The following CHEK1 variants were observed in gnomAD, a reference collection of about 807,000 sequenced individuals.
CHEK1 encodes the protein serine/threonine-protein kinase Chk1.
CHEK1 carries 32 observed loss-of-function variants against 60.2 expected under a neutral mutation model. The observed-to-expected ratio is 0.53, with a 90% CI of 0.40 to 0.71. CHEK1 has a LOEUF of 0.71. Ranked by LOEUF, CHEK1 falls within the 30% of genes least tolerant of loss-of-function variation. The probability of loss-of-function intolerance (pLI) is 0.00; values close to 1 mark genes in which losing one functional copy is unlikely to be tolerated. For missense variants in CHEK1, 399 were observed against 564.6 expected (o/e 0.71, Z 2.97); for synonymous variants, 179 against 187.2 (o/e 0.96, Z 0.36).
At chr11:125,680,852 G>A (rs564264519), downstream of CHEK1, 279 of 1,305,790 alleles carry the variant, frequency 2.1e-4, no homozygotes, top group Non-Finnish European at 3.0e-4. Context: ...CAAACTGCGA[G>A]CAAAAGCTTC....
chr11:125,650,858 A>G (rs762006350), intron 11 of CHEK1, among the ~76,000 whole-genome samples: 2 of 152,238 alleles, frequency 1.3e-5, no homozygotes, highest in Non-Finnish European at 2.9e-5. Context: ...CTGTATACCA[A>G]AAACAAAAAA....
chr11:125,633,099 C>A, intron 5 of CHEK1, 64 bp from the exon 6 acceptor site: 2 of 1,417,030 alleles, frequency 1.4e-6, no homozygotes, highest in Non-Finnish European at 1.9e-6. Context: ...AAACTTAATT[C>A]CTGTAAGTAT....
At chr11:125,648,249 GTTTT>G (rs777358930) in intron 11 of CHEK1, among the ~76,000 whole-genome samples, 2 of 151,776 alleles carry the variant, frequency 1.3e-5, no homozygotes, top group Non-Finnish European at 2.9e-5. Flanking sequence ...AACTCCAGTA[GTTTT>G]TTTGACAAAT....
Position 125,653,915 on chromosome 11 carries a change from T to A in CHEK1, c.1335+68T>A. On this transcript the variant is annotated intron_variant, in intron 12 of 12. Coordinates refer to ENST00000438015, the MANE Select transcript of CHEK1 (RefSeq NM_001114122.3). This position sits in a 1 kb window ranked among gnomAD's most constrained non-coding sequence, Gnocchi z 4.3. The stretch of plus-strand genomic sequence containing the variant: ...TATATGAATTTTTTTAATGGCATTA[T>A]GTTTGTATATATGTGGCATTTGTAA... The A allele has an allele frequency of 1.1e-6, 1 of 884,274 alleles. No homozygotes were observed. Among genetic ancestry groups the A allele is most frequent in the Non-Finnish European group, 1.7e-6 (1 of 571,914 alleles). 54.8% of individuals were successfully genotyped at this position (884,274 alleles called of 1,614,324 possible). A position where few individuals can be genotyped will look rare whatever the true frequency, so the allele number is the denominator to read the frequency against.
chr11:125,637,481 T>C lies in CHEK1; in HGVS notation c.751T>C (p.Ser251Pro), dbSNP rs201395400. The change falls in exon 8 of 13, where the codon TCA becomes CCA. Residue 251 changes from serine (S) to proline (P), a missense_variant. Physicochemically the swap from Ser to Pro is moderately conservative, Grantham distance 74 (BLOSUM62 -1). Transcript: ENST00000438015. ...LLHKILVENP[S>P]ARITIPDIKK... is the part of the protein sequence containing the mutation. Reference sequence around the variant, plus strand: ...GCATAAAATCTTAGTTGAGAATCCATCAGCAAGAATTACCATTCCAGACAT... The same window carrying C: ...GCATAAAATCTTAGTTGAGAATCCACCAGCAAGAATTACCATTCCAGACAT... 1 of 1,608,742 alleles carries C rather than the reference T, an allele frequency of 6.2e-7. No homozygotes were observed. Among genetic ancestry groups the C allele is most frequent in the East Asian group, 2.2e-5 (1 of 44,490 alleles).
chr11:125,641,137 C>T (rs1273228091), intron 8 of CHEK1, among the ~76,000 whole-genome samples: 1 of 152,200 alleles, frequency 6.6e-6, no homozygotes, highest in Admixed American at 6.5e-5. Flanking sequence ...CAGGCATCCA[C>T]TTGAACATAT....
intron 13 of CHEK1, among the ~76,000 whole-genome samples, chr11:125,670,111 T>C (rs1355519193): frequency 6.6e-6 from 1 of 152,274 alleles, no homozygotes. Flanking sequence ...GTCTCCAATA[T>C]GCTATTAAAC....
intron 5 of CHEK1, 89 bp downstream of exon 5, chr11:125,629,549 C>A: frequency 1.0e-6 from 1 of 973,776 alleles, no homozygotes; most frequent in African/African-American, 1.7e-5. Context: ...TATAGCCATA[C>A]AAGGCAAAAT....
intron 6 of CHEK1, 92 bp downstream of exon 6, chr11:125,633,443 A>G (rs1359256026): frequency 2.6e-6 from 3 of 1,163,900 alleles, no homozygotes; most frequent in African/African-American, 3.3e-5. Context: ...TCATGTTTAT[A>G]TAATAGTTTT....
chr11:125,637,604 G>A (rs1941125652), intron 8 of CHEK1, 60 bp downstream of exon 8: 1 of 1,196,918 alleles, frequency 8.4e-7, no homozygotes, highest in Non-Finnish European at 1.2e-6. Flanking sequence ...TAATTGCAAA[G>A]TTATTATCAC....
chr11:125,654,003 G>A (rs370985394), intron 12 of CHEK1, among the ~76,000 whole-genome samples, 156 bp downstream of exon 12: 6 of 151,734 alleles, frequency 4.0e-5, no homozygotes, highest in Admixed American at 2.6e-4. Flanking sequence ...TATTTTTCCC[G>A]AACATTGTTT....
intron 13 of CHEK1, among the ~76,000 whole-genome samples, chr11:125,662,174 A>C (rs1285587437): frequency 2.0e-5 from 3 of 152,208 alleles, no homozygotes; most frequent in Non-Finnish European, 4.4e-5. Flanking sequence ...TAAACAACAA[A>C]CATCTATTTC....
chr11:125,658,729 T>C (rs1016459162), downstream of CHEK1, among the ~76,000 whole-genome samples: 1 of 124,446 alleles, frequency 8.0e-6, no homozygotes, highest in Non-Finnish European at 1.6e-5. Flanking sequence ...TTGTTGTGTC[T>C]CCAAAGCTGG....
chr11:125,668,138 C>T (rs760297362), intron 13 of CHEK1, among the ~76,000 whole-genome samples: 12 of 152,128 alleles, frequency 7.9e-5, no homozygotes, highest in Non-Finnish European at 1.5e-4. Flanking sequence ...TTGTCTAGTT[C>T]AAGGTCCGCA....
chr11:125,633,159 T>G lies in CHEK1; in HGVS notation c.425-4T>G. On this transcript the variant is annotated splice_region_variant and splice_polypyrimidine_tract_variant and intron_variant, in intron 5 of 12. Transcript: ENST00000438015. Reference sequence around the variant, plus strand: ...CAGTGTCATCTTTTTTTCTTTTGGTTTAGATAACCTCAAAATCTCAGACTT... The same window carrying G: ...CAGTGTCATCTTTTTTTCTTTTGGTGTAGATAACCTCAAAATCTCAGACTT... 6.4e-7 allele frequency: 1 copy of G among 1,569,326 alleles called. No homozygotes were observed. The highest frequency in any genetic ancestry group is 8.6e-7 in the Non-Finnish European group (1 of 1,166,756).
In CHEK1 at chr11:125,637,355, T is replaced by TA. The variant is rs569525863; in HGVS notation, c.719-92dup. The TA allele has an allele frequency of 3.5e-3, 2,951 of 832,214 alleles. 5 individuals are homozygous for TA. The highest frequency in any genetic ancestry group is 4.8e-3 in the Non-Finnish European group (2,629 of 543,774). 51.6% of individuals were successfully genotyped at this position (832,214 alleles called of 1,614,324 possible). On this transcript the variant is annotated intron_variant, in intron 7 of 12. Coordinates refer to ENST00000438015, the MANE Select transcript of CHEK1 (RefSeq NM_001114122.3). Reference sequence around the variant, plus strand: ...CTTCCCCAGGAATAATATTTAGACATAAGTAGGCTAACAGAAAATGTGTTT... The same window carrying TA: ...CTTCCCCAGGAATAATATTTAGACATAAAGTAGGCTAACAGAAAATGTGTTT...
At chr11:125,643,202 G>T (rs7951938) in intron 8 of CHEK1, 1 of 152,114 alleles carries the variant, frequency 6.6e-6, no homozygotes, top group Non-Finnish European at 1.5e-5. Flanking sequence ...GGCCTGGGCC[G>T]GGCGCAGTGG....
chr11:125,657,403 G>GT, downstream of CHEK1, among the ~76,000 whole-genome samples: 1 of 152,054 alleles, frequency 6.6e-6, no homozygotes, highest in Non-Finnish European at 1.5e-5. Context: ...CTCAATTGTA[G>GT]AAAGATCATT....
chr11:125,653,687 G>T lies in CHEK1; in HGVS notation c.1234-59G>T, dbSNP rs890091147. On this transcript the variant is annotated intron_variant, in intron 11 of 12. Coordinates refer to ENST00000438015, the MANE Select transcript of CHEK1 (RefSeq NM_001114122.3). This position sits in a 1 kb window ranked among gnomAD's most constrained non-coding sequence, Gnocchi z 4.3. The stretch of plus-strand genomic sequence containing the variant: ...AACTTCTATTCTGTTCTTCATAGTG[G>T]GTTTACTAGTTTATTATCTACTCAC... 2.8e-5 allele frequency: 22 copies of T among 795,800 alleles called. No individual in the cohort carries two copies. The highest frequency in any genetic ancestry group is 2.4e-4 in the Middle Eastern group (1 of 4,202). 49.3% of individuals were successfully genotyped at this position (795,800 alleles called of 1,614,324 possible).
Sources: gnomAD v4.1 joint callset for allele counts (sites outside exome capture counted in the v4.1 genomes callset) on GRCh38, gnomAD v4.1.1 for gene constraint, Gnocchi (gnomAD v3.1) non-coding constraint, MANE v1.5 for transcripts, NCBI Gene and HGNC (gene_info 2026-07-23, HGNC 2026-07-21) for gene names.